The following DLC1 variants were observed in gnomAD, a reference collection of about 807,000 sequenced individuals.
The protein encoded by DLC1 is DLC1 Rho GTPase activating protein.
DLC1 carries 54 observed loss-of-function variants against 140.3 expected under a neutral mutation model. The observed-to-expected ratio is 0.38, with a 90% CI of 0.31 to 0.48. The LOEUF (loss-of-function observed/expected upper bound fraction) is 0.48, where lower values mean the gene tolerates loss of function less well. Among genes scored for constraint, DLC1 ranks in the 20% least tolerant of loss-of-function variants. The pLI is 0.96. For missense variants in DLC1, 2,536 were observed against 1,907.0 expected (o/e 1.33, Z -6.14); for synonymous variants, 986 against 728.1 (o/e 1.35, Z -5.70).
intron 6 of DLC1, among the ~76,000 whole-genome samples, chr8:13,111,543 G>C (rs1308557979): frequency 3.9e-5 from 6 of 152,160 alleles, no homozygotes; most frequent in African/African-American, 1.4e-4. Flanking sequence ...GGGGAAAACA[G>C]TCGACTCAAT....
chr8:13,431,200 AT>A (rs1838848053), intron 2 of DLC1, among the ~76,000 whole-genome samples: 1 of 152,150 alleles, frequency 6.6e-6, no homozygotes, highest in African/African-American at 2.4e-5. Flanking sequence ...AGAATCAAGC[AT>A]TGGCCAGGCA....
In DLC1 at chr8:13,326,530, T is replaced by A. The variant is rs539878036; in HGVS notation, c.1315-21228A>T. ...TTCCCTACCCCAACTGGAGCCAGCT[T>A]ATTAAGTTGGACACCAACATTGGCT... On this transcript the variant is annotated intron_variant, in intron 4 of 17. Coordinates refer to ENST00000276297, the MANE Select transcript of DLC1 (RefSeq NM_182643.3). Among the ~76,000 whole-genome samples the A allele has an allele frequency of 3.9e-5, 6 of 152,312 alleles. No homozygotes were observed. In the East Asian group the frequency reaches 1.2e-3, roughly 29 times the overall value.
intron 2 of DLC1, among the ~76,000 whole-genome samples, chr8:13,438,218 G>C (rs1713419892): frequency 6.6e-6 from 1 of 152,008 alleles, no homozygotes; most frequent in East Asian, 1.9e-4. Flanking sequence ...TCTCTTTGTG[G>C]ACTCTAGCAC....
At chr8:13,208,868 A>G (rs1827801543) in intron 5 of DLC1, among the ~76,000 whole-genome samples, 2 of 152,112 alleles carry the variant, frequency 1.3e-5, no homozygotes, top group Admixed American at 1.3e-4. Flanking sequence ...AAATGTTTCT[A>G]TCAGAAGAGA....
At chr8:13,569,129 G>T (rs1473501669) in intron 1 of DLC1, among the ~76,000 whole-genome samples, 1 of 152,152 alleles carries the variant, frequency 6.6e-6, no homozygotes, top group East Asian at 1.9e-4. Flanking sequence ...CACATTTATG[G>T]AGAAAAATGT....
At chr8:13,435,394 A>G (rs1210256230) in intron 2 of DLC1, among the ~76,000 whole-genome samples, 1 of 151,972 alleles carries the variant, frequency 6.6e-6, no homozygotes, top group Admixed American at 6.5e-5. Context: ...GCTCACTGCA[A>G]ACTCCACCTC....
intron 4 of DLC1, among the ~76,000 whole-genome samples, chr8:13,356,839 T>TA (rs1443108808): frequency 2.0e-5 from 3 of 151,728 alleles, no homozygotes; most frequent in African/African-American, 4.8e-5. Context: ...CACTCTTTTT[T>TA]TTATTATTTT....
chr8:13,214,694 C>T (rs1047193978), intron 5 of DLC1: 1 of 780,838 alleles, frequency 1.3e-6, no homozygotes, highest in South Asian at 1.3e-5. Context: ...GGAGACAAAC[C>T]AATTGCCACT....
At chr8:13,596,130 T>C (rs1222463487) in intron 1 of DLC1, among the ~76,000 whole-genome samples, 5 of 152,052 alleles carry the variant, frequency 3.3e-5, no homozygotes, top group African/African-American at 9.7e-5. Flanking sequence ...TAGAGAGAGT[T>C]AACATGCTAA....
chr8:13,427,150 T>C (rs1473902302), intron 2 of DLC1, among the ~76,000 whole-genome samples: 1 of 152,194 alleles, frequency 6.6e-6, no homozygotes, highest in African/African-American at 2.4e-5. Flanking sequence ...CTTGGCTCTC[T>C]CCCTGCCTAC....
At position 13,297,873 on chromosome 8, in the gene DLC1, T is replaced by G. The variant is rs138759557; in HGVS notation, c.1348+7396A>C. On this transcript the variant is annotated intron_variant, in intron 5 of 17. Transcript: ENST00000276297. Reference sequence around the variant, plus strand: ...AAGTGTCTTTCCATTTTAGTTTTTTTTTGTTGTTGTTGTTGTTGTTATTCA... The same window carrying G: ...AAGTGTCTTTCCATTTTAGTTTTTTGTTGTTGTTGTTGTTGTTGTTATTCA... 3.8e-3 allele frequency among the ~76,000 whole-genome samples: 574 copies of G among 151,898 alleles called. 1 individual carries two copies. The highest frequency in any genetic ancestry group is 0.01 in the Middle Eastern group (3 of 292).
chr8:13,188,603 C>CTTTTT, intron 5 of DLC1, among the ~76,000 whole-genome samples: 1 of 116,178 alleles, frequency 8.6e-6, no homozygotes, highest in Non-Finnish European at 1.7e-5. Flanking sequence ...ATGTCTATTA[C>CTTTTT]TTTTTTTTTT....
chr8:13,390,852 G>T (rs761607511), intron 4 of DLC1, among the ~76,000 whole-genome samples: 2 of 152,100 alleles, frequency 1.3e-5, no homozygotes, highest in Non-Finnish European at 1.5e-5. Context: ...GCCAGGCGTG[G>T]TGGAGGGCAC....
At chr8:13,122,418 T>C (rs538967603) in intron 5 of DLC1, among the ~76,000 whole-genome samples, 9 of 152,198 alleles carry the variant, frequency 5.9e-5, no homozygotes, top group Non-Finnish European at 1.0e-4. Context: ...TCTCACTTTT[T>C]AATTCATTTG....
intron 1 of DLC1, among the ~76,000 whole-genome samples, chr8:13,523,714 AT>A (rs553185125): frequency 5.8e-4 from 89 of 152,308 alleles, no homozygotes; most frequent in Non-Finnish European, 1.0e-3. Flanking sequence ...AAAAATTAGC[AT>A]GGTTTAGAAG....
rs980881126 is a variant in DLC1 at position 13,341,414 on chromosome 8, G to A, written c.1315-36112C>T. On this transcript the variant is annotated intron_variant, in intron 4 of 17. Coordinates refer to ENST00000276297, the MANE Select transcript of DLC1 (RefSeq NM_182643.3). ...CCAGCGTGCGTCAGAATCACAAGGA[G>A]GGCCTGTTAAAATGCAAGTTACTGG... The A allele has an allele frequency of 2.6e-5, 4 of 152,098 alleles. No homozygotes were observed. The East Asian group carries it at 5.8e-4, about 22-fold the overall frequency. The allele number at this position is 152,098 out of a possible 1,614,324, so 9.4% of individuals were successfully genotyped here.
intron 2 of DLC1, among the ~76,000 whole-genome samples, chr8:13,455,740 GTGGCTCA>G (rs1443763060): frequency 6.6e-6 from 1 of 152,146 alleles, no homozygotes; most frequent in Admixed American, 6.5e-5. Flanking sequence ...GATAGGCAAG[GTGGCTCA>G]TGCATGTAAT....
intron 2 of DLC1, among the ~76,000 whole-genome samples, chr8:13,412,183 T>C (rs1837810067): frequency 6.6e-6 from 1 of 152,168 alleles, no homozygotes; most frequent in African/African-American, 2.4e-5. Context: ...GAATTCCTAA[T>C]GATTTAAAAC....
At position 13,248,970 on chromosome 8, in the gene DLC1, C is replaced by T. The variant is rs138779897; in HGVS notation, c.1348+56299G>A. ...CAAACCTCAGAGGGGCTATTTTACT[C>T]ATTTACTCCCTAACCTCAGAGGGGT... On this transcript the variant is annotated intron_variant, in intron 5 of 17. Transcript: ENST00000276297. Among the ~76,000 whole-genome samples, 73 of 152,282 alleles carry T rather than the reference C, an allele frequency of 4.8e-4. No homozygotes were observed. The East Asian group carries it at 6.6e-3, about 14-fold the overall frequency.
Sources: gnomAD v4.1 joint callset for allele counts (sites outside exome capture counted in the v4.1 genomes callset) on GRCh38, gnomAD v4.1.1 for gene constraint, MANE v1.5 for transcripts, NCBI Gene and HGNC (gene_info 2026-07-23, HGNC 2026-07-21) for gene names.